Variants in PLEKHG1 observed in about 807,000 individuals in gnomAD.
The protein encoded by PLEKHG1 is pleckstrin homology and RhoGEF domain containing G1, also known as pleckstrin homology domain-containing family G member 1.
A neutral mutation model predicts 100.8 loss-of-function variants in PLEKHG1; 44 were observed. That is an observed-to-expected ratio of 0.44 (90% CI 0.34 to 0.56). PLEKHG1 has a LOEUF of 0.56. Ranked by LOEUF, PLEKHG1 falls within the 20% of genes least tolerant of loss-of-function variation. PLEKHG1 has a pLI of 0.01. For synonymous variants in PLEKHG1, 640 were observed against 662.5 expected (o/e 0.97, Z 0.52); for missense variants, 1,545 against 1,720.9 (o/e 0.90, Z 1.81).
At chr6:150,821,104 C>T in intron 12 of PLEKHG1, 91 bp from the exon 14 acceptor site, 1 of 961,632 alleles carries the variant, frequency 1.0e-6, no homozygotes, top group Non-Finnish European at 1.6e-6. Flanking sequence ...CTCTGTTAAT[C>T]TGTCAATAGG....
chr6:150,756,048 G>C (rs1450912037), intron 2 of PLEKHG1, among the ~76,000 whole-genome samples: 2 of 152,140 alleles, frequency 1.3e-5, no homozygotes, highest in East Asian at 1.9e-4. Flanking sequence ...TCGTCCGTAA[G>C]AGTCCACTCT....
chr6:150,816,350 T>TTTTTTC (rs1307266747), intron 10 of PLEKHG1, among the ~76,000 whole-genome samples: 1 of 135,144 alleles, frequency 7.4e-6, no homozygotes, highest in Non-Finnish European at 1.6e-5. Context: ...TTTTTTTTTT[T>TTTTTTC]TTTTTTTGAG....
chr6:150,613,040 C>A (rs1312548621), intron 1 of PLEKHG1, among the ~76,000 whole-genome samples: 1 of 152,160 alleles, frequency 6.6e-6, no homozygotes, highest in Non-Finnish European at 1.5e-5. Context: ...CTGGCCCCTG[C>A]TCTGCTGTCT....
chr6:150,811,681 A>G (rs1583179012), intron 10 of PLEKHG1, among the ~76,000 whole-genome samples: 1 of 151,078 alleles, frequency 6.6e-6, no homozygotes, highest in East Asian at 1.9e-4. Flanking sequence ...TTCAGGGCGC[A>G]CAGACGGTGC....
chr6:150,651,923 T>TA (rs1460900255), intron 3 of PLEKHG1: 1 of 152,094 alleles, frequency 6.6e-6, no homozygotes, highest in Non-Finnish European at 1.5e-5. Flanking sequence ...TACCAAAGGA[T>TA]AAAAATTAAA....
At chr6:150,602,092 A>G (rs998915926) in intron 1 of PLEKHG1, among the ~76,000 whole-genome samples, 1 of 152,238 alleles carries the variant, frequency 6.6e-6, no homozygotes, top group Non-Finnish European at 1.5e-5. Flanking sequence ...TCAGTGATTT[A>G]ATTAAGATCG....
chr6:150,711,380 A>C (rs1464555482), intron 3 of PLEKHG1, among the ~76,000 whole-genome samples: 1 of 152,208 alleles, frequency 6.6e-6, no homozygotes, highest in Non-Finnish European at 1.5e-5. Flanking sequence ...AGATGCAAAT[A>C]AATATGGGAA....
chr6:150,782,623 ACAACAGATTG>A (rs1785377537), intron 3 of PLEKHG1, among the ~76,000 whole-genome samples: 2 of 152,174 alleles, frequency 1.3e-5, no homozygotes, highest in Non-Finnish European at 2.9e-5. Flanking sequence ...TTCAACCAAA[ACAACAGATTG>A]CAACAGATAG....
chr6:150,621,812 T>C (rs1777312808), intron 1 of PLEKHG1, among the ~76,000 whole-genome samples: 2 of 152,232 alleles, frequency 1.3e-5, no homozygotes, highest in African/African-American at 4.8e-5. Flanking sequence ...GCTGTCCAAA[T>C]GTACATCTGT....
At chr6:150,611,638 C>G (rs1776832556) in intron 1 of PLEKHG1, among the ~76,000 whole-genome samples, 1 of 151,960 alleles carries the variant, frequency 6.6e-6, no homozygotes, top group Admixed American at 6.6e-5. Context: ...ATGGTGAAAC[C>G]CTGTCTGTAT....
At chr6:150,658,572 C>G (rs1034573463) in intron 3 of PLEKHG1, among the ~76,000 whole-genome samples, 1 of 152,188 alleles carries the variant, frequency 6.6e-6, no homozygotes, top group Non-Finnish European at 1.5e-5. Flanking sequence ...CCCTTTAATT[C>G]CTAAGCCCCT....
At chr6:150,652,289 AT>A (rs1778778896) in intron 3 of PLEKHG1, among the ~76,000 whole-genome samples, 1 of 152,204 alleles carries the variant, frequency 6.6e-6, no homozygotes, top group African/African-American at 2.4e-5. Context: ...TGACCACATT[AT>A]GAACTATTTG....
chr6:150,680,789 C>T (rs971127039), intron 3 of PLEKHG1, among the ~76,000 whole-genome samples: 1 of 152,036 alleles, frequency 6.6e-6, no homozygotes, highest in African/African-American at 2.4e-5. Context: ...TAGATTGGAG[C>T]GAGTTGGGGA....
At chr6:150,658,612 G>A (rs961795327) in intron 3 of PLEKHG1, among the ~76,000 whole-genome samples, 1 of 152,074 alleles carries the variant, frequency 6.6e-6, no homozygotes, top group Non-Finnish European at 1.5e-5. Flanking sequence ...CTCAATTGAG[G>A]ACTTCCAGTC....
intron 3 of PLEKHG1, among the ~76,000 whole-genome samples, chr6:150,660,431 G>T (rs1349120421): frequency 6.6e-6 from 1 of 152,000 alleles, no homozygotes; most frequent in East Asian, 1.9e-4. Context: ...ATTTTTCTCA[G>T]GTGGATTTAC....
At chr6:150,807,731 T>C (rs930362064) in intron 7 of PLEKHG1, among the ~76,000 whole-genome samples, 15 of 152,138 alleles carry the variant, frequency 9.9e-5, no homozygotes, top group African/African-American at 3.6e-4. Flanking sequence ...CCCAGCACTT[T>C]GGGAGGCCAA....
chr6:150,724,552 C>A (rs9478798), intron 1 of PLEKHG1, among the ~76,000 whole-genome samples: 1 of 100,944 alleles, frequency 9.9e-6, no homozygotes, highest in Non-Finnish European at 1.8e-5. Context: ...TTTCTTTTTT[C>A]TTTTTCTTTT....
At chr6:150,739,665 C>CAA (rs370749387) in intron 2 of PLEKHG1, among the ~76,000 whole-genome samples, 6 of 138,518 alleles carry the variant, frequency 4.3e-5, no homozygotes, top group East Asian at 2.1e-4. Flanking sequence ...GAGACTCTGT[C>CAA]AAAAAAAAAA....
chr6:150,703,671 T>C (rs1286715069), intron 3 of PLEKHG1, among the ~76,000 whole-genome samples: 1 of 151,968 alleles, frequency 6.6e-6, no homozygotes, highest in Admixed American at 6.6e-5. Context: ...AAAAAATCAG[T>C]CTAGAATATA....
Sources: allele counts gnomAD v4.1 joint callset (sites outside exome capture counted in the v4.1 genomes callset), GRCh38; gene constraint gnomAD v4.1.1; transcripts MANE v1.5; gene names NCBI Gene and HGNC (gene_info 2026-07-23, HGNC 2026-07-21).